Variants in PCDH1 observed in about 807,000 individuals in gnomAD.
The protein encoded by PCDH1 is protocadherin-1.
A neutral mutation model predicts 74.6 loss-of-function variants in PCDH1; 23 were observed. That is an observed-to-expected ratio of 0.31 (90% CI 0.22 to 0.44). The LOEUF (loss-of-function observed/expected upper bound fraction) is 0.44. Ranked by LOEUF, PCDH1 falls within the 20% of genes least tolerant of loss-of-function variation. PCDH1 has a pLI of 1.00. For missense variants in PCDH1, 1,214 were observed against 1,641.4 expected, an observed-to-expected ratio of 0.74 and a Z score of 4.50; for synonymous variants, 647 against 686.1, an observed-to-expected ratio of 0.94 and a Z score of 0.89.
In PCDH1 at chr5:141,869,682, C is replaced by T. The variant is rs1020639756; in HGVS notation, c.41-251G>A. The T allele has an allele frequency of 1.6e-5, 24 of 1,519,766 alleles. No homozygotes were observed. Among genetic ancestry groups the T allele is most frequent in the African/African-American group, 2.8e-5 (2 of 72,712 alleles). The allele number at this position is 1,519,766 out of a possible 1,614,324, so 94.1% of individuals were successfully genotyped here. A position where few individuals can be genotyped will look rare whatever the true frequency, so the allele number is the denominator to read the frequency against. On this transcript the variant is annotated intron_variant, in intron 1 of 4. Transcript: ENST00000287008. The surrounding 1 kb of genome is among the most constrained non-coding windows in gnomAD (Gnocchi z 4.9). Reference sequence around the variant, plus strand: ...GGCCTGGCATGCCTAGAGCAGCTCCCGCCCATGGAACACCCTCACCCACCT... The same window carrying T: ...GGCCTGGCATGCCTAGAGCAGCTCCTGCCCATGGAACACCCTCACCCACCT...
rs1361393108 is a variant in PCDH1 at position 141,865,266 on chromosome 5, G to A, written c.1065C>T (p.Phe355=). The A allele has an allele frequency of 6.2e-7, 1 of 1,614,208 alleles. No individual in the cohort carries two copies. The highest frequency in any genetic ancestry group is 8.5e-7 in the Non-Finnish European group (1 of 1,180,032). ...TGCCTCGGTCCTTAGCAAGCACTGA[G>A]AAGCGCAGGGTGCTTAGGTCCTCAC... is the stretch of plus-strand genomic sequence containing the variant. The part of the protein sequence containing the change: ...VDREDLSTLR[F]SVLAKDRGTN... Residue 355 remains phenylalanine, a synonymous_variant, in exon 3 of 5, where the codon TTC becomes TTT. Coordinates refer to ENST00000287008, the MANE Select transcript of PCDH1 (RefSeq NM_032420.5). The surrounding 1 kb of genome is among the most constrained non-coding windows in gnomAD (Gnocchi z 4.4).
chr5:141,864,638 G>A lies in PCDH1; in HGVS notation c.1693C>T (p.Gln565Ter). The A allele has an allele frequency of 6.2e-7, 1 of 1,613,608 alleles. No homozygotes were observed. Residue 565 changes from glutamine to a stop codon, truncating the protein, a stop_gained, in exon 3 of 5, where the codon CAG becomes TAG. Coordinates refer to ENST00000287008, the MANE Select transcript of PCDH1 (RefSeq NM_032420.5). LOFTEE classifies it high-confidence loss of function. The surrounding 1 kb of genome is among the most constrained non-coding windows in gnomAD (Gnocchi z 5.9). ...TCCCGATCCAGAGATGTCTTCACCT[G>A]GATCTCTCCAGTCTCGGGTGAGATG... is the stretch of plus-strand genomic sequence containing the variant. ...FTISPETGEI[Q>*]VKTSLDREQR...
At position 141,869,061 on chromosome 5, in the gene PCDH1, C is replaced by T. The variant is rs1216210468; in HGVS notation, c.411G>A (p.Glu137=). 6.2e-7 allele frequency: 1 copy of T among 1,614,044 alleles called. No homozygotes were observed. The highest frequency in any genetic ancestry group is 8.5e-7 in the Non-Finnish European group (1 of 1,180,012). ...LPGDPCILEF[E]VSITDLVQNG... is the part of the protein sequence containing the mutation. ...TCTGCACGAGGTCTGTGATAGATAC[C>T]TCAAACTCCAGGATGCAGGGATCAC... is the stretch of plus-strand genomic sequence containing the variant. Residue 137 remains glutamate (E), a synonymous_variant, in exon 2 of 5, where the codon GAG becomes GAA. Coordinates refer to ENST00000287008, the MANE Select transcript of PCDH1 (RefSeq NM_032420.5). This position sits in a 1 kb window ranked among gnomAD's most constrained non-coding sequence, Gnocchi z 4.9.
At position 141,865,689 on chromosome 5, in the gene PCDH1, TGG is replaced by T. The variant is rs1203486765; in HGVS notation, c.904-264_904-263del. ...CAGTGCTACAGGCAACTATTGGAGATGGGACAGGGCAGAATTAAACCTCACTT... is the reference window on the plus strand; with the variant it reads ...CAGTGCTACAGGCAACTATTGGAGATGACAGGGCAGAATTAAACCTCACTT... On this transcript the variant is annotated intron_variant, in intron 2 of 4. Transcript: ENST00000287008. The surrounding 1 kb of genome is among the most constrained non-coding windows in gnomAD (Gnocchi z 4.4). Among the ~76,000 whole-genome samples, 1 of 152,180 alleles carries T rather than the reference TGG, an allele frequency of 6.6e-6. No homozygotes were observed. Among genetic ancestry groups the T allele is most frequent in the African/African-American group, 2.4e-5 (1 of 41,430 alleles).
chr5:141,872,120 C>T (rs180917218), intron 1 of PCDH1, among the ~76,000 whole-genome samples: 3 of 130,500 alleles, frequency 2.3e-5, no homozygotes, highest in Admixed American at 1.5e-4. Context: ...CATTTGGATC[C>T]ACCCCCCACC....
chr5:141,859,705 C>G (rs1752493721), intron 3 of PCDH1, among the ~76,000 whole-genome samples: 1 of 151,428 alleles, frequency 6.6e-6, no homozygotes, highest in Non-Finnish European at 1.5e-5. Context: ...TTCTCCCTAA[C>G]CTTTGCCAAA....
chr5:141,866,260 G>C, intron 2 of PCDH1: 1 of 984,898 alleles, frequency 1.0e-6, no homozygotes, highest in Non-Finnish European at 1.2e-6. Context: ...AATCCGGCCT[G>C]AGCCTGCAGC....
intron 2 of PCDH1, chr5:141,867,433 C>A: frequency 2.8e-6 from 1 of 362,506 alleles, no homozygotes; most frequent in Non-Finnish European, 5.4e-6. Flanking sequence ...TCTGTTTGGG[C>A]CCGGTTTCTC....
In PCDH1 at chr5:141,865,887, C is replaced by T. The variant is rs1373935710; in HGVS notation, c.904-460G>A. Among the ~76,000 whole-genome samples, 4 of 152,124 alleles carry T rather than the reference C, an allele frequency of 2.6e-5. No homozygotes were observed. The highest frequency in any genetic ancestry group is 4.4e-5 in the Non-Finnish European group (3 of 68,018). ...TGAATGTGCACTACATGCACGCACG[C>T]ATGCACATATGTATGTGTATGATTG... On this transcript the variant is annotated intron_variant, in intron 2 of 4. Transcript: ENST00000287008. The surrounding 1 kb of genome is among the most constrained non-coding windows in gnomAD (Gnocchi z 4.4).
chr5:141,865,425 C>T lies in PCDH1; in HGVS notation c.906G>A (p.Val302=). 1 of 1,612,196 alleles carries T rather than the reference C, an allele frequency of 6.2e-7. No individual in the cohort carries two copies. Among genetic ancestry groups the T allele is most frequent in the East Asian group, 2.2e-5 (1 of 44,874 alleles). The change falls in exon 3 of 5, where the codon GTG becomes GTA. Residue 302 remains valine, a splice_region_variant and synonymous_variant. Transcript: ENST00000287008. This position sits in a 1 kb window ranked among gnomAD's most constrained non-coding sequence, Gnocchi z 4.4. ...CACCTTGGTCTGAGTCATTGGCCTT[C>T]ACCTATAGGGCAGGAGAGAAAAACA... ...NSPIGHSVIQ[V]KANDSDQGAN... is the part of the protein sequence containing the mutation.
rs1428140223 is a variant in PCDH1 at position 141,864,186 on chromosome 5, G to C, written c.2145C>G (p.Ile715Met). 1 of 1,607,232 alleles carries C rather than the reference G, an allele frequency of 6.2e-7. No homozygotes were observed. Among genetic ancestry groups the C allele is most frequent in the African/African-American group, 1.3e-5 (1 of 74,824 alleles). Residue 715 changes from isoleucine (I) to methionine (M), a missense_variant, in exon 3 of 5, where the codon ATC (isoleucine) becomes ATG (methionine). By Grantham distance (10) the Ile-to-Met change is conservative. Transcript: ENST00000287008. The surrounding 1 kb of genome is among the most constrained non-coding windows in gnomAD (Gnocchi z 5.9). The part of the protein sequence containing the change: ...VLDENDNAPY[I>M]TAPSNTSHKL... The stretch of plus-strand genomic sequence containing the variant: ...TGTGAGAGGTGTTAGAAGGGGCAGT[G>C]ATATAGGGTGCGTTGTCATTCTCGT...
In PCDH1 at chr5:141,864,528, A is replaced by C. The variant is rs149703720; in HGVS notation, c.1803T>G (p.Asn601Lys). Residue 601 changes from asparagine (N) to lysine (K), a missense_variant, in exon 3 of 5, where the codon AAT (asparagine) becomes AAG (lysine). This residue lies in a region of PCDH1 where 836 missense variants were observed against 1,182.2 expected (regional missense o/e 0.71). Transcript: ENST00000287008. This position sits in a 1 kb window ranked among gnomAD's most constrained non-coding sequence, Gnocchi z 5.9. ...GGTCATTGTCATTGCAGTCCAGCACATTGACAAGGACAGTGGCTGTGCCCT... is the reference window on the plus strand; with the variant it reads ...GGTCATTGTCATTGCAGTCCAGCACCTTGACAAGGACAGTGGCTGTGCCCT... The part of the protein sequence containing the change: ...SLQGTATVLV[N>K]VLDCNDNDPK... 729 of 1,614,130 alleles carry C rather than the reference A, an allele frequency of 4.5e-4. 6 individuals are homozygous for C. The African/African-American group carries it at 9.0e-3, about 20-fold the overall frequency.
rs752282967 is a variant in PCDH1 at position 141,854,411 on chromosome 5, G to A, written c.3345C>T (p.Ala1115=). 6.2e-7 allele frequency: 1 copy of A among 1,611,454 alleles called. No homozygotes were observed. The highest frequency in any genetic ancestry group is 8.5e-7 in the Non-Finnish European group (1 of 1,178,838). ...ACTCCCGGGTACATGTGCCTGTCAT[G>A]GCGACATCAGGCAAAGGGCGAAGGT... The part of the protein sequence containing the change: ...ENDLRPLPDV[A]MTGTCTRECS... Residue 1115 remains alanine (A), a synonymous_variant, in exon 5 of 5, where the codon GCC becomes GCT. Transcript: ENST00000287008.
At chr5:141,855,212 C>G (rs1752287830) in intron 4 of PCDH1, among the ~76,000 whole-genome samples, 1 of 152,038 alleles carries the variant, frequency 6.6e-6, no homozygotes, top group South Asian at 2.1e-4. Flanking sequence ...TGAGTTCAAG[C>G]AATCCGCCTG....
Position 141,864,942 on chromosome 5 carries a change from C to A in PCDH1, c.1389G>T (p.Pro463=), listed in dbSNP as rs376086365. 6.2e-7 allele frequency: 1 copy of A among 1,614,088 alleles called. No homozygotes were observed. Among genetic ancestry groups the A allele is most frequent in the Non-Finnish European group, 8.5e-7 (1 of 1,180,024 alleles). ...KKKYFLQTTT[P]LDYEKVKDYT... is the part of the protein sequence containing the mutation. The stretch of plus-strand genomic sequence containing the variant: ...AGTCTTTGACCTTCTCGTAGTCTAG[C>A]GGGGTGGTAGTCTGCAGGAAATACT... Residue 463 remains proline (P), a synonymous_variant, in exon 3 of 5, where the codon CCG becomes CCT. Coordinates refer to ENST00000287008, the MANE Select transcript of PCDH1 (RefSeq NM_032420.5). This position sits in a 1 kb window ranked among gnomAD's most constrained non-coding sequence, Gnocchi z 5.9.
chr5:141,871,260 G>C (rs1753090884), intron 1 of PCDH1, among the ~76,000 whole-genome samples: 1 of 152,238 alleles, frequency 6.6e-6, no homozygotes. Flanking sequence ...TTCAACAAAT[G>C]TTTATTGGGC....
In PCDH1 at chr5:141,857,329, G is replaced by A; in HGVS notation, c.3242C>T (p.Pro1081Leu). Residue 1081 changes from proline to leucine, a missense_variant, in exon 4 of 5, where the codon CCC becomes CTC. Transcript: ENST00000287008. ...SKSSSGPRLG[P>L]LALPEDHYER... ...ATAGTGATCCTCAGGCAGGGCCAGG[G>A]GACCGAGTCGAGGCCCTGAGGATGA... 3 of 1,613,760 alleles carry A rather than the reference G, an allele frequency of 1.9e-6. No individual in the cohort carries two copies. Among genetic ancestry groups the A allele is most frequent in the Non-Finnish European group, 2.5e-6 (3 of 1,179,902 alleles).
rs766585212 is a variant in PCDH1, at chr5:141,865,324, G to T, written c.1007C>A (p.Thr336Asn). Residue 336 changes from threonine to asparagine, a missense_variant, in exon 3 of 5, where the codon ACT (threonine) becomes AAT (asparagine). Physicochemically the swap from Thr to Asn is moderately conservative, Grantham distance 65 (BLOSUM62 0). Coordinates refer to ENST00000287008, the MANE Select transcript of PCDH1 (RefSeq NM_032420.5). The surrounding 1 kb of genome is among the most constrained non-coding windows in gnomAD (Gnocchi z 4.4). Reference protein sequence around the residue: ...VRRLLRLDRNTGLITVQGPVD... With the variant: ...VRRLLRLDRNNGLITVQGPVD... ...CGGGCCCTGAACAGTGATAAGTCCA[G>T]TGTTCCTGTCCAGTCGAAGAAGACG... is the stretch of plus-strand genomic sequence containing the variant. 7.4e-6 allele frequency: 12 copies of T among 1,614,074 alleles called. No individual in the cohort carries two copies. Among genetic ancestry groups the T allele is most frequent in the Non-Finnish European group, 9.3e-6 (11 of 1,180,044 alleles).
chr5:141,874,837 C>T (rs1209502272), intron 1 of PCDH1, among the ~76,000 whole-genome samples: 2 of 152,238 alleles, frequency 1.3e-5, no homozygotes, highest in Middle Eastern at 3.4e-3. Context: ...AACGGACTGT[C>T]GCGGGGAGAG....
Sources: allele counts gnomAD v4.1 joint callset (sites outside exome capture counted in the v4.1 genomes callset), GRCh38; gene constraint gnomAD v4.1.1; regional missense constraint gnomAD v4.1.1; non-coding constraint Gnocchi (gnomAD v3.1); transcripts MANE v1.5; gene names NCBI Gene and HGNC (gene_info 2026-07-23, HGNC 2026-07-21).